Variants in ANXA8 observed in about 807,000 individuals in gnomAD.
ANXA8 encodes VAC-beta.
A neutral mutation model predicts 26.8 loss-of-function variants in ANXA8; 9 were observed. That is an observed-to-expected ratio of 0.34 (90% CI 0.20 to 0.59). The LOEUF is 0.59. ANXA8 is among the 20% of genes least tolerant of loss of function. The pLI is 0.84. For missense variants in ANXA8, 83 were observed against 238.5 expected, an observed-to-expected ratio of 0.35 and a Z score of 4.29; for synonymous variants, 39 against 94.8, an observed-to-expected ratio of 0.41 and a Z score of 3.42.
At chr10:47,733,162 T>TTTC in the ANXA8 span, among the ~76,000 whole-genome samples, 1 of 97,910 alleles carries the variant, frequency 1.0e-5, no homozygotes. Context: ...TCTTTCTTTC[T>TTTC]TTCTTTCTTT....
At chr10:47,666,020 C>T in the ANXA8 span, among the ~76,000 whole-genome samples, 28 of 151,720 alleles carry the variant, frequency 1.8e-4, no homozygotes, top group Middle Eastern at 3.4e-3. Flanking sequence ...AGATTGATTA[C>T]GGCAACTAAA....
chr10:47,779,001 A>G, the ANXA8 span, among the ~76,000 whole-genome samples: 5 of 151,806 alleles, frequency 3.3e-5, no homozygotes, highest in Admixed American at 2.6e-4. Context: ...ACAGAATTTC[A>G]TAACATCAGT....
At chr10:47,961,311 A>G in the ANXA8 span, among the ~76,000 whole-genome samples, 1 of 145,984 alleles carries the variant, frequency 6.9e-6, no homozygotes, top group Non-Finnish European at 1.5e-5. Flanking sequence ...GGTATGGGAA[A>G]GGACCTGGTA....
the ANXA8 span, among the ~76,000 whole-genome samples, chr10:47,521,797 G>GC: frequency 8.7e-5 from 13 of 149,450 alleles, no homozygotes; most frequent in African/African-American, 3.2e-4. Flanking sequence ...TTTTTTTTTT[G>GC]TGAGACGGAG....
At chr10:47,621,538 TG>T in the ANXA8 span, among the ~76,000 whole-genome samples, 13 of 112,354 alleles carry the variant, frequency 1.2e-4, 2 homozygotes, top group African/African-American at 4.5e-4. Flanking sequence ...ATTTCTCTCC[TG>T]CTTCTAATTT....
the ANXA8 span, among the ~76,000 whole-genome samples, chr10:47,968,261 G>C: frequency 4.0e-5 from 6 of 151,102 alleles, no homozygotes; most frequent in East Asian, 1.2e-3. Flanking sequence ...CACTGCCATA[G>C]CTACTGCTGC....
the ANXA8 span, among the ~76,000 whole-genome samples, chr10:47,658,272 A>G: frequency 4.0e-5 from 6 of 149,790 alleles, no homozygotes; most frequent in African/African-American, 1.5e-4. Flanking sequence ...GGTAGTCCCA[A>G]CTACTTGGGA....
upstream of ANXA8, among the ~76,000 whole-genome samples, chr10:47,488,496 C>T (rs1840085095): frequency 1.3e-5 from 2 of 150,878 alleles, no homozygotes; most frequent in African/African-American, 4.9e-5. Flanking sequence ...CAGGCGTGAG[C>T]CACTGCACCT....
At chr10:47,486,066 C>G (rs1187494053), upstream of ANXA8, among the ~76,000 whole-genome samples, 189 of 151,592 alleles carry the variant, frequency 1.2e-3, no homozygotes, top group African/African-American at 4.2e-3. Flanking sequence ...CAAGAACATG[C>G]CACTGCACTC....
chr10:47,680,012 G>T, the ANXA8 span, among the ~76,000 whole-genome samples: 1 of 150,850 alleles, frequency 6.6e-6, no homozygotes, highest in African/African-American at 2.5e-5. Flanking sequence ...TTTCTCTCTT[G>T]TTGCCCACGC....
the ANXA8 span, among the ~76,000 whole-genome samples, chr10:47,914,935 C>T: frequency 3.9e-5 from 6 of 152,272 alleles, no homozygotes; most frequent in Admixed American, 3.9e-4. Flanking sequence ...TCATCTTGAC[C>T]TATCTCCTTT....
the ANXA8 span, among the ~76,000 whole-genome samples, chr10:47,777,189 G>A: frequency 1.3e-5 from 2 of 151,626 alleles, no homozygotes; most frequent in East Asian, 3.9e-4. Flanking sequence ...TGTCCCATTG[G>A]CCAGTCAAAT....
the ANXA8 span, among the ~76,000 whole-genome samples, chr10:47,693,938 T>A: frequency 6.6e-6 from 1 of 151,986 alleles, no homozygotes; most frequent in African/African-American, 2.4e-5. Flanking sequence ...TTTGGAGTGT[T>A]AACAAAATTA....
rs1839700892 is a variant in ANXA8 at position 47,478,647 on chromosome 10, GTGACCC to G, written c.113-26_113-21del. On this transcript the variant is annotated intron_variant, in intron 2 of 11. Coordinates refer to ENST00000585281, the MANE Select transcript of ANXA8 (RefSeq NM_001040084.3). ...TGGTCCCTGCAGGGTTACAGCACAA[GTGACCC>G]TGCTGCCCCCAGGGTGACACACTGG... is the stretch of plus-strand genomic sequence containing the variant. 4.1e-6 allele frequency: 3 copies of G among 729,550 alleles called. No homozygotes were observed. Among genetic ancestry groups the G allele is most frequent in the Non-Finnish European group, 6.2e-6 (3 of 482,390 alleles). 45.2% of individuals were successfully genotyped at this position (729,550 alleles called of 1,614,324 possible).
At chr10:47,724,807 A>G in the ANXA8 span, among the ~76,000 whole-genome samples, 2 of 139,342 alleles carry the variant, frequency 1.4e-5, no homozygotes, top group African/African-American at 2.6e-5. Flanking sequence ...AGCCCTTTAC[A>G]AAGCCTCATA....
the ANXA8 span, among the ~76,000 whole-genome samples, chr10:47,553,742 T>A: frequency 6.6e-6 from 1 of 150,548 alleles, no homozygotes; most frequent in Non-Finnish European, 1.5e-5. Flanking sequence ...CAGCTCCTGC[T>A]GTGGCACTCC....
At chr10:47,676,501 C>T in the ANXA8 span, among the ~76,000 whole-genome samples, 10 of 151,860 alleles carry the variant, frequency 6.6e-5, 1 homozygote, top group Non-Finnish European at 1.2e-4. Context: ...AGAATGGCAA[C>T]ATGGGTTATG....
chr10:47,747,273 G>A, the ANXA8 span, among the ~76,000 whole-genome samples: 1 of 152,038 alleles, frequency 6.6e-6, no homozygotes, highest in Admixed American at 6.5e-5. Context: ...GAACTGAAGG[G>A]GCCAAGATAT....
chr10:47,709,304 A>G, the ANXA8 span, among the ~76,000 whole-genome samples: 1 of 148,658 alleles, frequency 6.7e-6, no homozygotes, highest in African/African-American at 2.6e-5. Context: ...GAAGAATCAC[A>G]AATCAGTTTA....
Sources: allele counts gnomAD v4.1 joint callset (sites outside exome capture counted in the v4.1 genomes callset), GRCh38; gene constraint gnomAD v4.1.1; transcripts MANE v1.5; gene names NCBI Gene and HGNC (gene_info 2026-07-23, HGNC 2026-07-21).